SLMAP: variants seen among roughly 807,000 people sequenced by gnomAD.
The protein encoded by SLMAP is sarcolemma associated protein.
SLMAP carries 44 observed loss-of-function variants against 128.8 expected under a neutral mutation model. The observed-to-expected ratio is 0.34, with a 90% CI of 0.27 to 0.44. The LOEUF is 0.44. Ranked by LOEUF, SLMAP falls within the 20% of genes least tolerant of loss-of-function variation. The probability of loss-of-function intolerance (pLI) is 1.00; values close to 1 mark genes in which losing one functional copy is unlikely to be tolerated. For synonymous variants in SLMAP, 327 were observed against 348.8 expected (o/e 0.94, Z 0.70); for missense variants, 787 against 985.3 (o/e 0.80, Z 2.69).
intron 4 of SLMAP, among the ~76,000 whole-genome samples, chr3:57,844,208 C>T (rs1052032086): frequency 8.6e-5 from 13 of 151,998 alleles, no homozygotes; most frequent in African/African-American, 3.1e-4. Context: ...GCCTGGGCAA[C>T]AGGGCAAAAC....
intron 14 of SLMAP, among the ~76,000 whole-genome samples, chr3:57,886,542 G>T (rs1350841893): frequency 3.3e-5 from 5 of 149,882 alleles, no homozygotes; most frequent in Non-Finnish European, 7.4e-5. Flanking sequence ...GGAGAAGGTA[G>T]AGGAAATGTC....
At chr3:57,873,583 T>G (rs2095534034) in intron 14 of SLMAP, among the ~76,000 whole-genome samples, 1 of 152,238 alleles carries the variant, frequency 6.6e-6, no homozygotes. Flanking sequence ...TGTTACCTTC[T>G]GATTACTAAA....
intron 2 of SLMAP, among the ~76,000 whole-genome samples, chr3:57,767,066 C>T (rs1041342650): frequency 6.6e-6 from 1 of 151,756 alleles, no homozygotes; most frequent in South Asian, 2.1e-4. Flanking sequence ...TGACAGGCAC[C>T]CCCCAGCACA....
Position 57,909,146 on chromosome 3 carries a change from T to A in SLMAP, c.1695T>A (p.Leu565=). The change falls in exon 19 of 25, where the codon CTT becomes CTA. Residue 565 remains leucine (L), a synonymous_variant. Transcript: ENST00000671191. ...VEESTKQIQV[L]QAQLQRLHID... is the part of the protein sequence containing the mutation. ...AATCCACTAAACAAATACAGGTTCT[T>A]CAAGGTATGGAAGACCCCAAGGCTC... 1 of 1,603,480 alleles carries A rather than the reference T, an allele frequency of 6.2e-7. No individual in the cohort carries two copies. Among genetic ancestry groups the A allele is most frequent in the Non-Finnish European group, 8.5e-7 (1 of 1,172,484 alleles).
At chr3:57,819,823 G>T (rs1449264614) in intron 2 of SLMAP, among the ~76,000 whole-genome samples, 1 of 152,134 alleles carries the variant, frequency 6.6e-6, no homozygotes, top group Non-Finnish European at 1.5e-5. Context: ...GTGCCTCATA[G>T]CTCACTGCAG....
intron 13 of SLMAP, among the ~76,000 whole-genome samples, chr3:57,869,631 T>TATATATATATATA (rs1553900211): frequency 6.1e-4 from 9 of 14,802 alleles, no homozygotes; most frequent in African/African-American, 2.4e-3. Flanking sequence ...CCATCTCTAT[T>TATATATATATATA]ATATATATAT....
intron 2 of SLMAP, among the ~76,000 whole-genome samples, chr3:57,769,491 C>T (rs937785260): frequency 5.3e-5 from 8 of 152,014 alleles, no homozygotes; most frequent in African/African-American, 1.9e-4. Flanking sequence ...CCGCGCCCGG[C>T]TGGATTTTTT....
intron 2 of SLMAP, among the ~76,000 whole-genome samples, chr3:57,790,065 G>A (rs1275661428): frequency 2.0e-5 from 3 of 152,150 alleles, no homozygotes; most frequent in East Asian, 3.9e-4. Context: ...TTGAACCCCT[G>A]ACCTTAGGTG....
At chr3:57,908,860 T>A (rs1425429605) in intron 18 of SLMAP, among the ~76,000 whole-genome samples, 2 of 152,180 alleles carry the variant, frequency 1.3e-5, no homozygotes, top group Non-Finnish European at 2.9e-5. Flanking sequence ...TCCAGAAAAC[T>A]CCACTACTCA....
intron 15 of SLMAP, 43 bp from the exon 16 acceptor site, chr3:57,896,468 A>T (rs1243983003): frequency 3.9e-6 from 6 of 1,538,080 alleles, no homozygotes; most frequent in Non-Finnish European, 5.2e-6. Context: ...GATATAAGAT[A>T]TTTAACTGTA....
At chr3:57,849,680 A>G in intron 5 of SLMAP, 74 bp from the exon 6 acceptor site, 1 of 815,784 alleles carries the variant, frequency 1.2e-6, no homozygotes, top group Non-Finnish European at 2.1e-6. Flanking sequence ...GTAAGTAGAC[A>G]TTTCAAGAAA....
chr3:57,870,144 T>C (rs1005710438), intron 13 of SLMAP, among the ~76,000 whole-genome samples: 2 of 152,142 alleles, frequency 1.3e-5, no homozygotes, highest in African/African-American at 2.4e-5. Context: ...TTCAAATATG[T>C]TTTGTAAAGT....
chr3:57,864,084 C>A (rs1033686856), intron 10 of SLMAP, among the ~76,000 whole-genome samples: 1 of 152,146 alleles, frequency 6.6e-6, no homozygotes, highest in Non-Finnish European at 1.5e-5. Flanking sequence ...TGACATCAAG[C>A]CTTTGTCTTT....
Position 57,927,305 on chromosome 3 carries a change from C to T in SLMAP, c.*16C>T. ...GTTTCTTTCCACACAGAAACCCTGG[C>T]CCTGGATGCCCATGTTGGCTGCCCT... On this transcript the variant is annotated 3_prime_UTR_variant, in exon 25 of 25. Transcript: ENST00000671191. 1.9e-6 allele frequency: 3 copies of T among 1,604,808 alleles called. 1 individual carries two copies. In the Middle Eastern group the frequency reaches 5.0e-4, roughly 266 times the overall value.
At chr3:57,869,953 T>C (rs2095442765) in intron 13 of SLMAP, among the ~76,000 whole-genome samples, 1 of 151,780 alleles carries the variant, frequency 6.6e-6, no homozygotes, top group African/African-American at 2.4e-5. Flanking sequence ...ATAAAATGTA[T>C]TTTAAGTAGA....
chr3:57,794,667 A>G (rs979261902), intron 2 of SLMAP, among the ~76,000 whole-genome samples: 4 of 152,104 alleles, frequency 2.6e-5, no homozygotes, highest in Admixed American at 1.3e-4. Context: ...TGGACATTTT[A>G]TATCGATGGA....
chr3:57,766,813 A>G (rs938386773), intron 2 of SLMAP, among the ~76,000 whole-genome samples: 2 of 152,146 alleles, frequency 1.3e-5, no homozygotes, highest in East Asian at 1.9e-4. Flanking sequence ...CTCAGTTCCA[A>G]TGTGAAACCT....
chr3:57,905,313 ACT>A (rs1394424637), intron 17 of SLMAP, among the ~76,000 whole-genome samples: 3 of 151,250 alleles, frequency 2.0e-5, no homozygotes, highest in Admixed American at 6.6e-5. Flanking sequence ...ACAGAGTCTC[ACT>A]CTGTTGCCCA....
chr3:57,806,079 A>G (rs1418245045), intron 2 of SLMAP, among the ~76,000 whole-genome samples: 1 of 151,846 alleles, frequency 6.6e-6, no homozygotes, highest in African/African-American at 2.4e-5. Context: ...CTGGGATACA[A>G]GTGCAGACGT....
Sources: gnomAD v4.1 joint callset for allele counts (sites outside exome capture counted in the v4.1 genomes callset) on GRCh38, gnomAD v4.1.1 for gene constraint, MANE v1.5 for transcripts, NCBI Gene and HGNC (gene_info 2026-07-23, HGNC 2026-07-21) for gene names.